Variants in FCHSD2 observed in about 807,000 individuals in gnomAD.
FCHSD2 encodes FCH and double SH3 domains 2, also known as F-BAR and double SH3 domains protein 2.
A neutral mutation model predicts 108.1 loss-of-function variants in FCHSD2; 38 were observed. That is an observed-to-expected ratio of 0.35 (90% CI 0.27 to 0.46). FCHSD2 has a LOEUF of 0.46. Ranked by LOEUF, FCHSD2 falls within the 20% of genes least tolerant of loss-of-function variation. The probability of loss-of-function intolerance (pLI) is 1.00; values close to 1 mark genes in which losing one functional copy is unlikely to be tolerated. For missense variants in FCHSD2, 751 were observed against 897.8 expected, an observed-to-expected ratio of 0.84 and a Z score of 2.09; for synonymous variants, 279 against 314.7, an observed-to-expected ratio of 0.89 and a Z score of 1.20.
At chr11:72,868,668 G>C (rs903210033) in intron 12 of FCHSD2, among the ~76,000 whole-genome samples, 9 of 151,794 alleles carry the variant, frequency 5.9e-5, no homozygotes, top group Admixed American at 2.6e-4. Flanking sequence ...TCCCGCCTGG[G>C]TGACAGAGCA....
intron 8 of FCHSD2, among the ~76,000 whole-genome samples, chr11:72,957,823 A>G (rs1856743979): frequency 6.6e-6 from 1 of 152,216 alleles, no homozygotes; most frequent in African/African-American, 2.4e-5. Context: ...TTATATATAC[A>G]CAAGCACATA....
chr11:72,995,333 A>T (rs551475957), intron 5 of FCHSD2, among the ~76,000 whole-genome samples: 43 of 152,238 alleles, frequency 2.8e-4, no homozygotes, highest in Non-Finnish European at 5.0e-4. Context: ...AGAAGTGCTA[A>T]ACATTCTAAT....
At chr11:72,906,259 C>T (rs1855628321) in intron 9 of FCHSD2, among the ~76,000 whole-genome samples, 1 of 152,144 alleles carries the variant, frequency 6.6e-6, no homozygotes, top group South Asian at 2.1e-4. Context: ...ATCCTTTGCC[C>T]ACTTTTTGAT....
At chr11:72,976,863 C>G (rs1857113689) in intron 8 of FCHSD2, among the ~76,000 whole-genome samples, 1 of 151,990 alleles carries the variant, frequency 6.6e-6, no homozygotes, top group South Asian at 2.1e-4. Context: ...CCCTATCTCT[C>G]ACCATATACA....
rs975762173 is a variant in FCHSD2 at position 72,844,601 on chromosome 11, T to A, written c.1444-1069A>T. Among the ~76,000 whole-genome samples the A allele has an allele frequency of 1.4e-4, 22 of 152,138 alleles. 1 individual carries two copies. Among genetic ancestry groups the A allele is most frequent in the African/African-American group, 5.3e-4 (22 of 41,436 alleles). On this transcript the variant is annotated intron_variant, in intron 14 of 19. Coordinates refer to ENST00000409418, the MANE Select transcript of FCHSD2 (RefSeq NM_014824.3). ...GCTGGAAAGTCCGTGTGGCTTTGCT[T>A]CCTAACAGTCTTGCCTGTCATGTGT... is the stretch of plus-strand genomic sequence containing the variant.
At chr11:73,055,060 C>T (rs1470027279) in intron 3 of FCHSD2, among the ~76,000 whole-genome samples, 3 of 152,124 alleles carry the variant, frequency 2.0e-5, no homozygotes, top group Admixed American at 6.5e-5. Context: ...GGAACAAAGG[C>T]TCATCCTACC....
At chr11:73,069,013 A>T (rs1321884045) in intron 3 of FCHSD2, among the ~76,000 whole-genome samples, 2 of 151,068 alleles carry the variant, frequency 1.3e-5, no homozygotes, top group Non-Finnish European at 3.0e-5. Flanking sequence ...AACCATCTCC[A>T]AAAAACAAAA....
chr11:72,981,460 A>G (rs915471949), intron 8 of FCHSD2, among the ~76,000 whole-genome samples: 6 of 152,200 alleles, frequency 3.9e-5, no homozygotes, highest in African/African-American at 7.2e-5. Context: ...ATCCAATAGA[A>G]AAAAAATAGG....
At chr11:73,134,137 A>C (rs1455269291) in intron 2 of FCHSD2, among the ~76,000 whole-genome samples, 1 of 152,068 alleles carries the variant, frequency 6.6e-6, no homozygotes, top group East Asian at 1.9e-4. Flanking sequence ...GATTACCTCT[A>C]AGATCTCTTT....
intron 4 of FCHSD2, among the ~76,000 whole-genome samples, chr11:73,014,855 T>G (rs1272037458): frequency 6.6e-6 from 1 of 152,104 alleles, no homozygotes; most frequent in African/African-American, 2.4e-5. Flanking sequence ...AAATTCTTTT[T>G]TTTTTTGAGC....
chr11:72,886,191 A>G (rs1855195241), intron 12 of FCHSD2, among the ~76,000 whole-genome samples: 1 of 152,068 alleles, frequency 6.6e-6, no homozygotes, highest in South Asian at 2.1e-4. Flanking sequence ...CTTCTTACAT[A>G]CTTATAGGGC....
At chr11:73,139,889 T>C (rs911210978) in intron 2 of FCHSD2, 142 bp downstream of exon 2, 18 of 519,194 alleles carry the variant, frequency 3.5e-5, no homozygotes, top group Non-Finnish European at 5.8e-5. Context: ...CCAGTTCTAA[T>C]TTCCAGCTGA....
At chr11:72,969,009 A>ACACACATAT (rs1171865521) in intron 8 of FCHSD2, among the ~76,000 whole-genome samples, 1 of 152,234 alleles carries the variant, frequency 6.6e-6, no homozygotes, top group African/African-American at 2.4e-5. Flanking sequence ...TTAATGATAT[A>ACACACATAT]CACACATATA....
At chr11:73,032,812 T>C (rs1182980350) in intron 3 of FCHSD2, among the ~76,000 whole-genome samples, 1 of 151,942 alleles carries the variant, frequency 6.6e-6, no homozygotes, top group Non-Finnish European at 1.5e-5. Context: ...GGCATGGAGC[T>C]TGTAAAAGGG....
intron 8 of FCHSD2, among the ~76,000 whole-genome samples, chr11:72,978,995 C>A (rs1187037401): frequency 1.3e-5 from 2 of 151,576 alleles, no homozygotes; most frequent in Non-Finnish European, 2.9e-5. Flanking sequence ...GTAGCTGGGA[C>A]TACAAGTGCA....
chr11:73,093,178 A>G (rs1309464896), intron 2 of FCHSD2, among the ~76,000 whole-genome samples: 1 of 152,256 alleles, frequency 6.6e-6, no homozygotes. Flanking sequence ...GAAGAAGTGA[A>G]CACTGTACAG....
intron 11 of FCHSD2, 39 bp downstream of exon 11, chr11:72,889,790 C>T (rs1855276379): frequency 8.7e-7 from 1 of 1,148,220 alleles, no homozygotes; most frequent in African/African-American, 1.5e-5. Flanking sequence ...TGACATTTGG[C>T]TTAAGGTGAA....
intron 10 of FCHSD2, among the ~76,000 whole-genome samples, chr11:72,896,463 A>G (rs941109660): frequency 6.6e-6 from 1 of 152,220 alleles, no homozygotes; most frequent in African/African-American, 2.4e-5. Flanking sequence ...AGTTCTGGTA[A>G]TGAAAGGATA....
chr11:72,846,517 T>C (rs1418009847), intron 14 of FCHSD2, among the ~76,000 whole-genome samples: 1 of 152,086 alleles, frequency 6.6e-6, no homozygotes, highest in East Asian at 1.9e-4. Flanking sequence ...AGCGTCCCCA[T>C]AACACTGACT....
Sources: allele counts gnomAD v4.1 joint callset (sites outside exome capture counted in the v4.1 genomes callset), GRCh38; gene constraint gnomAD v4.1.1; transcripts MANE v1.5; gene names NCBI Gene and HGNC (gene_info 2026-07-23, HGNC 2026-07-21).